Variants in SEMA5A observed in about 807,000 individuals in gnomAD.
SEMA5A encodes the protein semaphorin-5A.
SEMA5A carries 55 observed loss-of-function variants against 135.5 expected under a neutral mutation model. The ratio of observed to expected loss-of-function variants is 0.41; its 90% CI spans 0.33 to 0.51. The LOEUF is 0.51. Among genes scored for constraint, SEMA5A ranks in the 20% least tolerant of loss-of-function variants. The pLI is 0.37. For missense variants in SEMA5A, 1,290 were observed against 1,419.9 expected (o/e 0.91, Z 1.47); for synonymous variants, 580 against 546.5 (o/e 1.06, Z -0.85).
chr5:9,115,155 T>C (rs253652), intron 15 of SEMA5A, among the ~76,000 whole-genome samples: 92,321 of 152,022 alleles, frequency 0.61, 30,046 homozygotes, highest in African/African-American at 0.84. Context: ...ATTTCCACAA[T>C]GATACCAGCA....
At chr5:9,146,422 A>G (rs1246572687) in intron 12 of SEMA5A, among the ~76,000 whole-genome samples, 3 of 152,188 alleles carry the variant, frequency 2.0e-5, no homozygotes, top group African/African-American at 4.8e-5. Flanking sequence ...GAATAACTCA[A>G]TCAGAGAACA....
chr5:9,489,888 C>G (rs910674954), intron 1 of SEMA5A, among the ~76,000 whole-genome samples: 4 of 152,148 alleles, frequency 2.6e-5, no homozygotes, highest in African/African-American at 9.7e-5. Flanking sequence ...GTCAAACTTT[C>G]TTTGCTACTA....
At chr5:9,371,617 G>T (rs1755139774) in intron 3 of SEMA5A, among the ~76,000 whole-genome samples, 1 of 152,196 alleles carries the variant, frequency 6.6e-6, no homozygotes, top group Non-Finnish European at 1.5e-5. Context: ...AGGCAATGTG[G>T]TTATACCTTA....
chr5:9,085,785 T>TTACCATTCTTG (rs1561137861), intron 16 of SEMA5A, among the ~76,000 whole-genome samples: 1 of 152,020 alleles, frequency 6.6e-6, no homozygotes, highest in African/African-American at 2.4e-5. Context: ...GACCCAAGAA[T>TTACCATTCTTG]GGTAGATCCA....
chr5:9,374,245 A>G (rs781552811), intron 3 of SEMA5A, among the ~76,000 whole-genome samples: 27 of 148,718 alleles, frequency 1.8e-4, no homozygotes, highest in Non-Finnish European at 2.5e-4. Flanking sequence ...CTGCAGTGGC[A>G]AATATTTCAC....
At chr5:9,053,382 C>T (rs1206866003) in intron 19 of SEMA5A, among the ~76,000 whole-genome samples, 1 of 152,208 alleles carries the variant, frequency 6.6e-6, no homozygotes, top group Non-Finnish European at 1.5e-5. Context: ...TTTAAGAATG[C>T]TTTGCTATCA....
chr5:9,497,863 C>T (rs1336602010), intron 1 of SEMA5A, among the ~76,000 whole-genome samples: 2 of 152,186 alleles, frequency 1.3e-5, no homozygotes, highest in East Asian at 3.9e-4. Context: ...TGTCGTTTGA[C>T]TCTTGGCTAC....
intron 8 of SEMA5A, 87 bp from the exon 9 acceptor site, chr5:9,202,327 A>C: frequency 6.9e-7 from 1 of 1,443,230 alleles, no homozygotes; most frequent in Non-Finnish European, 9.4e-7. Context: ...ATCCAAAGAG[A>C]CGTGGTTTTG....
rs1735510380 is a variant in SEMA5A at position 9,500,122 on chromosome 5, A to G, written c.-175+45462T>C. ...GAAATGGCTATGCAACTTTTTGGAGATAAGTTATTGTCAATGGGCCAACCA... is the reference window on the plus strand; with the variant it reads ...GAAATGGCTATGCAACTTTTTGGAGGTAAGTTATTGTCAATGGGCCAACCA... On this transcript the variant is annotated intron_variant, in intron 1 of 22. Coordinates refer to ENST00000382496, the MANE Select transcript of SEMA5A (RefSeq NM_003966.3). Among the ~76,000 whole-genome samples the G allele has an allele frequency of 2.6e-5, 4 of 152,226 alleles. No individual in the cohort carries two copies. The South Asian group carries it at 8.3e-4, about 32-fold the overall frequency.
chr5:9,078,371 T>G (rs1338185335), intron 16 of SEMA5A, among the ~76,000 whole-genome samples: 1 of 152,148 alleles, frequency 6.6e-6, no homozygotes, highest in Admixed American at 6.5e-5. Flanking sequence ...TTGTACAGAT[T>G]TTAAGAGTTC....
At chr5:9,226,747 AG>A in intron 7 of SEMA5A, 121 bp downstream of exon 7, 1 of 625,462 alleles carries the variant, frequency 1.6e-6, no homozygotes, top group Non-Finnish European at 2.8e-6. Context: ...TTTGACAAAA[AG>A]TGCTTTAGAA....
intron 3 of SEMA5A, among the ~76,000 whole-genome samples, chr5:9,341,229 C>T (rs904227897): frequency 6.6e-6 from 1 of 151,150 alleles, no homozygotes; most frequent in Non-Finnish European, 1.5e-5. Context: ...CACACACATA[C>T]ACTATATTTC....
At chr5:9,351,272 A>G (rs911589420) in intron 3 of SEMA5A, among the ~76,000 whole-genome samples, 6 of 152,152 alleles carry the variant, frequency 3.9e-5, no homozygotes, top group Admixed American at 6.5e-5. Context: ...AATGCCACTC[A>G]TGATCCAGTT....
Position 9,545,478 on chromosome 5 carries a change from C to T in SEMA5A, c.-175+106G>A, listed in dbSNP as rs1251880664. The T allele has an allele frequency of 2.0e-5, 3 of 152,468 alleles. No homozygotes were observed. The highest frequency in any genetic ancestry group is 6.5e-5 in the Admixed American group (1 of 15,290). 9.4% of individuals were successfully genotyped at this position (152,468 alleles called of 1,614,324 possible). On this transcript the variant is annotated intron_variant, in intron 1 of 22. Transcript: ENST00000382496. The surrounding 1 kb of genome is among the most constrained non-coding windows in gnomAD (Gnocchi z 4.5). ...CCCACCCGAGATCGGCACCACCCAC[C>T]AGCCGACCGCTGCAGTCCCCGGGTC...
intron 10 of SEMA5A, among the ~76,000 whole-genome samples, chr5:9,192,567 T>C (rs1745169190): frequency 1.6e-5 from 1 of 62,956 alleles, no homozygotes; most frequent in African/African-American, 7.1e-5. Context: ...AATACACAAG[T>C]AGTTGTAATT....
In SEMA5A at chr5:9,393,055, T is replaced by G. The variant is rs189462705; in HGVS notation, c.-77-13032A>C. 5.3e-5 allele frequency among the ~76,000 whole-genome samples: 8 copies of G among 152,334 alleles called. No homozygotes were observed. In the East Asian group the frequency reaches 1.5e-3, roughly 29 times the overall value. ...CGATGCTATAAAATCTCACATGCTG[T>G]GAACATACGGTATCTCATCCTTCAG... On this transcript the variant is annotated intron_variant, in intron 2 of 22. Coordinates refer to ENST00000382496, the MANE Select transcript of SEMA5A (RefSeq NM_003966.3).
chr5:9,074,314 G>A (rs754002836), intron 16 of SEMA5A, among the ~76,000 whole-genome samples: 29 of 152,106 alleles, frequency 1.9e-4, no homozygotes, highest in Non-Finnish European at 3.5e-4. Context: ...CATGAATTTT[G>A]ATCAATAACT....
At chr5:9,463,381 C>A (rs1442783203) in intron 1 of SEMA5A, among the ~76,000 whole-genome samples, 1 of 151,942 alleles carries the variant, frequency 6.6e-6, no homozygotes, top group East Asian at 1.9e-4. Flanking sequence ...AAAGTCTTCT[C>A]GAGGGAAGGG....
At chr5:9,425,359 C>G (rs1206304589) in intron 2 of SEMA5A, among the ~76,000 whole-genome samples, 1 of 152,216 alleles carries the variant, frequency 6.6e-6, no homozygotes, top group Non-Finnish European at 1.5e-5. Context: ...AACCGAGGCT[C>G]ACACACTACA....
Sources: allele counts gnomAD v4.1 joint callset (sites outside exome capture counted in the v4.1 genomes callset), GRCh38; gene constraint gnomAD v4.1.1; non-coding constraint Gnocchi (gnomAD v3.1); transcripts MANE v1.5; gene names NCBI Gene and HGNC (gene_info 2026-07-23, HGNC 2026-07-21).